Variants in PDE10A observed in about 807,000 individuals in gnomAD.
PDE10A encodes cAMP and cAMP-inhibited cGMP 3',5'-cyclic phosphodiesterase 10A.
PDE10A carries 39 observed loss-of-function variants against 97.7 expected under a neutral mutation model. The ratio of observed to expected loss-of-function variants is 0.40; its 90% CI spans 0.31 to 0.52. The LOEUF (loss-of-function observed/expected upper bound fraction) is 0.52. Among genes scored for constraint, PDE10A ranks in the 20% least tolerant of loss-of-function variants. The pLI, the probability that PDE10A is intolerant of heterozygous loss-of-function variation, is 0.56. For missense variants in PDE10A, 731 were observed against 1,047.8 expected (o/e 0.70, Z 4.17); for synonymous variants, 371 against 376.8 (o/e 0.98, Z 0.18).
intron 1 of PDE10A, among the ~76,000 whole-genome samples, chr6:165,824,622 C>G (rs1306263265): frequency 6.6e-6 from 1 of 152,162 alleles, no homozygotes; most frequent in Non-Finnish European, 1.5e-5. Context: ...TTTGTGTTTG[C>G]AGGTGACAAC....
Position 165,674,937 on chromosome 6 carries a change from C to A in PDE10A, c.-614-131369G>T, listed in dbSNP as rs368875189. ...TCACTCTTAGACTCCACACTTCTCTCTGAGTCATTGCCTTGTCCATCCAGG... is the reference window on the plus strand; with the variant it reads ...TCACTCTTAGACTCCACACTTCTCTATGAGTCATTGCCTTGTCCATCCAGG... On this transcript the variant is annotated intron_variant, in intron 1 of 19. Coordinates refer to the PDE10A transcript ENST00000366882. 2.1e-4 allele frequency among the ~76,000 whole-genome samples: 32 copies of A among 152,302 alleles called. No individual in the cohort carries two copies. In the East Asian group the frequency reaches 2.7e-3, roughly 13 times the overall value.
chr6:165,793,777 G>A (rs1218640111), intron 1 of PDE10A, among the ~76,000 whole-genome samples: 1 of 152,190 alleles, frequency 6.6e-6, no homozygotes, highest in African/African-American at 2.4e-5. Context: ...TACTCAAAAT[G>A]AATACAGACC....
intron 1 of PDE10A, among the ~76,000 whole-genome samples, chr6:165,869,511 A>T (rs913916017): frequency 2.6e-5 from 4 of 152,092 alleles, no homozygotes; most frequent in Non-Finnish European, 5.9e-5. Flanking sequence ...TGTTAAAATG[A>T]CTGTACTACT....
intron 5 of PDE10A, among the ~76,000 whole-genome samples, chr6:165,437,317 A>G (rs1790098338): frequency 1.3e-5 from 2 of 152,170 alleles, no homozygotes; most frequent in South Asian, 4.1e-4. Flanking sequence ...TCATAATCCA[A>G]TAATAACAGA....
At chr6:165,909,136 A>G (rs376568527) in intron 1 of PDE10A, 3 of 152,284 alleles carry the variant, frequency 2.0e-5, no homozygotes, top group African/African-American at 4.8e-5. Context: ...GTCAAACTTG[A>G]TTTAATCGAT....
chr6:165,927,627 T>C (rs941108598), intron 1 of PDE10A, among the ~76,000 whole-genome samples: 3 of 134,428 alleles, frequency 2.2e-5, no homozygotes, highest in Non-Finnish European at 3.1e-5. Context: ...CTTTCATGAA[T>C]ATTATTAACA....
chr6:165,675,585 T>C (rs1790771806), intron 1 of PDE10A, among the ~76,000 whole-genome samples: 1 of 152,082 alleles, frequency 6.6e-6, no homozygotes, highest in African/African-American at 2.4e-5. Context: ...AATCTGAAAA[T>C]GGAAAAGGAC....
chr6:165,746,815 C>G (rs758647248), intron 1 of PDE10A, among the ~76,000 whole-genome samples: 5 of 152,106 alleles, frequency 3.3e-5, no homozygotes. Flanking sequence ...TTTCAAAATA[C>G]GGATATATAT....
chr6:165,486,609 G>T (rs1314050908), intron 2 of PDE10A, among the ~76,000 whole-genome samples: 1 of 152,192 alleles, frequency 6.6e-6, no homozygotes, highest in African/African-American at 2.4e-5. Context: ...GCACAGCTCT[G>T]TGAGGAGATG....
intron 1 of PDE10A, among the ~76,000 whole-genome samples, chr6:165,843,523 G>A (rs1441633804): frequency 6.6e-6 from 1 of 152,202 alleles, no homozygotes; most frequent in African/African-American, 2.4e-5. Flanking sequence ...ATGAGGGCCT[G>A]TTCCTCATAA....
intron 3 of PDE10A, among the ~76,000 whole-genome samples, chr6:165,468,687 T>C (rs933256450): frequency 7.9e-5 from 12 of 152,190 alleles, no homozygotes; most frequent in Non-Finnish European, 1.5e-5. Flanking sequence ...GGGGAACAGA[T>C]AAACAAGAAA....
At chr6:165,346,556 C>T (rs1055097418) in intron 18 of PDE10A, among the ~76,000 whole-genome samples, 1 of 152,154 alleles carries the variant, frequency 6.6e-6, no homozygotes, top group Non-Finnish European at 1.5e-5. Flanking sequence ...GCATGTTTGC[C>T]TGCTAAGTGC....
At chr6:165,446,799 G>A (rs1790879682) in intron 5 of PDE10A, among the ~76,000 whole-genome samples, 1 of 152,128 alleles carries the variant, frequency 6.6e-6, no homozygotes, top group African/African-American at 2.4e-5. Flanking sequence ...GAAGAAGACA[G>A]ACTCAGTCCC....
chr6:165,705,003 A>T (rs1314761073), intron 1 of PDE10A, among the ~76,000 whole-genome samples: 1 of 151,978 alleles, frequency 6.6e-6, no homozygotes, highest in African/African-American at 2.4e-5. Flanking sequence ...TTCACTGCAG[A>T]CCCTGCTGTC....
At chr6:165,348,900 G>C (rs1782497403) in intron 18 of PDE10A, among the ~76,000 whole-genome samples, 1 of 152,302 alleles carries the variant, frequency 6.6e-6, no homozygotes, top group South Asian at 2.1e-4. Flanking sequence ...GAAGAAGGAT[G>C]TGTTAGCTTC....
intron 1 of PDE10A, among the ~76,000 whole-genome samples, chr6:165,912,434 G>A (rs1413028817): frequency 6.6e-6 from 1 of 152,200 alleles, no homozygotes; most frequent in Admixed American, 6.5e-5. Context: ...TCTCAGCTGA[G>A]GGTGGACAAG....
In PDE10A at chr6:165,748,386, G is replaced by C. The variant is rs184783996; in HGVS notation, c.-614-204818C>G. ...AGGAAGGAGGAAGAGTTTCAGTCTGGGTACTGTGCTTTTACTTCGTTGTGT... is the reference window on the plus strand; with the variant it reads ...AGGAAGGAGGAAGAGTTTCAGTCTGCGTACTGTGCTTTTACTTCGTTGTGT... On this transcript the variant is annotated intron_variant, in intron 1 of 19. Coordinates refer to the PDE10A transcript ENST00000366882. 3.9e-4 allele frequency among the ~76,000 whole-genome samples: 60 copies of C among 152,258 alleles called. 1 individual carries two copies. Among genetic ancestry groups the C allele is most frequent in the Admixed American group, 3.6e-3 (55 of 15,298 alleles).
Position 165,430,470 on chromosome 6 carries a change from A to G in PDE10A, c.1543-125T>C, listed in dbSNP as rs959571473. ...AACACAATCACTTGGGTTATAATGT[A>G]ATAATAATATCAATAACCATTAATA... On this transcript the variant is annotated intron_variant, in intron 8 of 21. Transcript: ENST00000539869. 5 of 584,962 alleles carry G rather than the reference A, an allele frequency of 8.5e-6. No homozygotes were observed. The African/African-American group carries it at 9.4e-5, about 11-fold the overall frequency. The allele number at this position is 584,962 out of a possible 1,614,324, so 36.2% of individuals were successfully genotyped here. A position where few individuals can be genotyped will look rare whatever the true frequency, so the allele number is the denominator to read the frequency against.
rs1035326761 is a variant in PDE10A at position 165,525,174 on chromosome 6, G to A, written c.994+18266C>T. Reference sequence around the variant, plus strand: ...TTGAGAGTGTGACCCATGAGGAGGTGCACTACACTTGAACTGTTTGAGTTA... The same window carrying A: ...TTGAGAGTGTGACCCATGAGGAGGTACACTACACTTGAACTGTTTGAGTTA... On this transcript the variant is annotated intron_variant, in intron 2 of 21. Coordinates refer to ENST00000539869, the MANE Select transcript of PDE10A (RefSeq NM_001385079.1). 5.3e-5 allele frequency among the ~76,000 whole-genome samples: 8 copies of A among 152,140 alleles called. No homozygotes were observed. The East Asian group carries it at 9.6e-4, about 18-fold the overall frequency.
Sources: allele counts gnomAD v4.1 joint callset (sites outside exome capture counted in the v4.1 genomes callset), GRCh38; gene constraint gnomAD v4.1.1; transcripts MANE v1.5; gene names NCBI Gene and HGNC (gene_info 2026-07-23, HGNC 2026-07-21).